GK5: variants seen among roughly 807,000 people sequenced by gnomAD.
GK5 encodes glycerol kinase 5.
GK5 carries 39 observed loss-of-function variants against 77.3 expected under a neutral mutation model. The ratio of observed to expected loss-of-function variants is 0.50; its 90% CI spans 0.39 to 0.66. The LOEUF is 0.66. Among genes scored for constraint, GK5 ranks in the 30% least tolerant of loss-of-function variants. The probability of loss-of-function intolerance (pLI) is 0.00; values close to 1 mark genes in which losing one functional copy is unlikely to be tolerated. For synonymous variants in GK5, 211 were observed against 208.0 expected, an observed-to-expected ratio of 1.01 and a Z score of -0.13; for missense variants, 487 against 633.8, an observed-to-expected ratio of 0.77 and a Z score of 2.49.
At chr3:142,213,752 G>A in intron 2 of GK5, 151 bp from the exon 3 acceptor site, 1 of 580,790 alleles carries the variant, frequency 1.7e-6, no homozygotes, top group Non-Finnish European at 3.0e-6. Context: ...AACAAATAAA[G>A]CATTACTAAG....
rs2063402682 is a variant in GK5, at chr3:142,158,900, G to A, written c.*6722C>T. On this transcript the variant is annotated 3_prime_UTR_variant, in exon 16 of 16. Transcript: ENST00000392993. ...GTATTAGTACCATACTCTATAATGAGCAAAGAAAGAATATGAGAACTCTTG... is the reference window on the plus strand; with the variant it reads ...GTATTAGTACCATACTCTATAATGAACAAAGAAAGAATATGAGAACTCTTG... The A allele has an allele frequency of 6.6e-6, 1 of 152,070 alleles. No homozygotes were observed. The highest frequency in any genetic ancestry group is 2.1e-4 in the South Asian group (1 of 4,822). 9.4% of individuals were successfully genotyped at this position (152,070 alleles called of 1,614,324 possible).
chr3:142,221,343 A>C (rs916514780), intron 1 of GK5, among the ~76,000 whole-genome samples: 1 of 152,208 alleles, frequency 6.6e-6, no homozygotes, highest in Non-Finnish European at 1.5e-5. Flanking sequence ...TTACCCCAGA[A>C]AACTCAATGT....
intron 4 of GK5, among the ~76,000 whole-genome samples, chr3:142,203,912 G>A (rs965096605): frequency 6.6e-6 from 1 of 152,176 alleles, no homozygotes; most frequent in Non-Finnish European, 1.5e-5. Context: ...AGGAGTGAGG[G>A]CAATTTGAGA....
At chr3:142,218,373 A>C (rs1452425825) in intron 1 of GK5, among the ~76,000 whole-genome samples, 1 of 96,636 alleles carries the variant, frequency 1.0e-5, no homozygotes, top group Admixed American at 1.1e-4. Context: ...TCTCTACTAA[A>C]ATACAAAAAA....
At chr3:142,176,624 A>G (rs551241895) in intron 12 of GK5, among the ~76,000 whole-genome samples, 91 of 146,986 alleles carry the variant, frequency 6.2e-4, no homozygotes, top group Non-Finnish European at 1.2e-3. Flanking sequence ...AGTAATCAAT[A>G]CTCCACCACA....
intron 5 of GK5, among the ~76,000 whole-genome samples, chr3:142,193,845 A>T (rs953215855): frequency 2.6e-5 from 4 of 152,050 alleles, no homozygotes; most frequent in African/African-American, 9.7e-5. Context: ...AGTTCAAGTG[A>T]TTCTCCTGCC....
chr3:142,223,279 AAAAC>A (rs1248716190), intron 1 of GK5, among the ~76,000 whole-genome samples: 1 of 152,256 alleles, frequency 6.6e-6, no homozygotes, highest in Non-Finnish European at 1.5e-5. Context: ...CCTTAAAAGA[AAAAC>A]AAAAACAAAC....
At chr3:142,166,424 A>G (rs2108778144) in intron 15 of GK5, among the ~76,000 whole-genome samples, 1 of 152,362 alleles carries the variant, frequency 6.6e-6, no homozygotes, top group East Asian at 1.9e-4. Flanking sequence ...TTTCTCTTTC[A>G]AACTATAGCC....
intron 5 of GK5, among the ~76,000 whole-genome samples, chr3:142,192,172 A>T (rs984121632): frequency 6.6e-6 from 1 of 152,152 alleles, no homozygotes; most frequent in Non-Finnish European, 1.5e-5. Flanking sequence ...ACTACTACAC[A>T]CCTATTAAAA....
At chr3:142,205,639 C>T (rs2064094449) in intron 3 of GK5, among the ~76,000 whole-genome samples, 1 of 152,204 alleles carries the variant, frequency 6.6e-6, no homozygotes. Context: ...ATTCCCTTTT[C>T]TTCCGACCAA....
chr3:142,209,902 G>A (rs2064169553), intron 3 of GK5, among the ~76,000 whole-genome samples: 1 of 151,846 alleles, frequency 6.6e-6, no homozygotes, highest in Admixed American at 6.6e-5. Context: ...GAAGTTAGCT[G>A]GCAGAAATCT....
chr3:142,210,607 T>C (rs1443182656), intron 3 of GK5, among the ~76,000 whole-genome samples: 1 of 152,042 alleles, frequency 6.6e-6, no homozygotes, highest in Admixed American at 6.6e-5. Flanking sequence ...CCAAAACTCA[T>C]GAAAGAATAC....
chr3:142,186,539 T>C, intron 6 of GK5, 26 bp from the exon 7 acceptor site: 1 of 1,117,910 alleles, frequency 8.9e-7, no homozygotes, highest in South Asian at 1.5e-5. Context: ...AAATAATACA[T>C]TTATTATCAG....
At chr3:142,177,705 T>A (rs994528846) in intron 11 of GK5, 129 bp from the exon 12 acceptor site, 3 of 644,016 alleles carry the variant, frequency 4.7e-6, no homozygotes, top group South Asian at 2.0e-5. Flanking sequence ...TGTAAAAGAT[T>A]GCTCACTTAA....
At chr3:142,196,516 T>C (rs2063935743) in intron 5 of GK5, among the ~76,000 whole-genome samples, 1 of 152,298 alleles carries the variant, frequency 6.6e-6, no homozygotes, top group South Asian at 2.1e-4. Flanking sequence ...GTATGTTGTA[T>C]CTTATTTTCA....
chr3:142,200,430 A>T (rs1303142356), intron 4 of GK5, among the ~76,000 whole-genome samples: 1 of 152,090 alleles, frequency 6.6e-6, no homozygotes, highest in Non-Finnish European at 1.5e-5. Flanking sequence ...GGCCTCCCAA[A>T]GTGCTGGGAT....
chr3:142,225,253 C>T, intron 1 of GK5, 56 bp downstream of exon 1: 2 of 1,475,446 alleles, frequency 1.4e-6, no homozygotes, highest in South Asian at 1.3e-5. Flanking sequence ...GAGGCCGGAC[C>T]CCGGGACTCA....
chr3:142,180,199 C>T (rs1440526028), intron 11 of GK5, among the ~76,000 whole-genome samples: 1 of 152,160 alleles, frequency 6.6e-6, no homozygotes, highest in African/African-American at 2.4e-5. Context: ...TCTTGCCTGC[C>T]CCTGGCAATC....
chr3:142,206,312 T>C (rs1481883093), intron 3 of GK5, among the ~76,000 whole-genome samples: 1 of 152,238 alleles, frequency 6.6e-6, no homozygotes, highest in Non-Finnish European at 1.5e-5. Context: ...AGTAATTCTA[T>C]GTTTAACTTT....
Sources: gnomAD v4.1 joint callset for allele counts (sites outside exome capture counted in the v4.1 genomes callset) on GRCh38, gnomAD v4.1.1 for gene constraint, MANE v1.5 for transcripts, NCBI Gene and HGNC (gene_info 2026-07-23, HGNC 2026-07-21) for gene names.